PCDH15: variants seen among roughly 807,000 people sequenced by gnomAD.
PCDH15 encodes the protein protocadherin-15.
A neutral mutation model predicts 178.5 loss-of-function variants in PCDH15; 129 were observed. The ratio of observed to expected loss-of-function variants is 0.72; its 90% CI spans 0.63 to 0.84. The LOEUF is 0.84. PCDH15 is among the 40% of genes least tolerant of loss of function. The pLI is 0.00. For missense variants in PCDH15, 2,230 were observed against 2,099.9 expected, an observed-to-expected ratio of 1.06 and a Z score of -1.21; for synonymous variants, 800 against 732.0, an observed-to-expected ratio of 1.09 and a Z score of -1.50.
At chr10:54,557,699 T>C (rs561950998) in intron 2 of PCDH15, among the ~76,000 whole-genome samples, 1 of 152,154 alleles carries the variant, frequency 6.6e-6, no homozygotes, top group Non-Finnish European at 1.5e-5. Flanking sequence ...GGATGAAACA[T>C]GAGGCATTTT....
intron 2 of PCDH15, among the ~76,000 whole-genome samples, chr10:55,452,801 G>C (rs1839464834): frequency 6.6e-6 from 1 of 151,986 alleles, no homozygotes; most frequent in South Asian, 2.1e-4. Context: ...GACTAACCTA[G>C]CTACTGAAAT....
chr10:53,953,134 G>A (rs1430824446), intron 23 of PCDH15, among the ~76,000 whole-genome samples: 1 of 152,212 alleles, frequency 6.6e-6, no homozygotes, highest in African/African-American at 2.4e-5. Context: ...GTGTTTCCCT[G>A]GTTGCAGCCA....
chr10:55,119,691 C>T (rs548578208), intron 2 of PCDH15, among the ~76,000 whole-genome samples: 3 of 152,212 alleles, frequency 2.0e-5, no homozygotes, highest in Admixed American at 6.5e-5. Flanking sequence ...TGTCAAAGAA[C>T]GATGTATTGC....
At chr10:55,346,984 G>A (rs1034787643) in intron 2 of PCDH15, among the ~76,000 whole-genome samples, 4 of 152,054 alleles carry the variant, frequency 2.6e-5, no homozygotes, top group Non-Finnish European at 2.9e-5. Flanking sequence ...GGGGGCTGAG[G>A]TGGGAGGATC....
At chr10:55,335,460 T>C (rs530802317) in intron 2 of PCDH15, among the ~76,000 whole-genome samples, 4 of 152,228 alleles carry the variant, frequency 2.6e-5, no homozygotes, top group Non-Finnish European at 5.9e-5. Context: ...GAAAATCATG[T>C]GATATTTAAA....
At chr10:54,667,337 C>T (rs1321551053) in intron 1 of PCDH15, among the ~76,000 whole-genome samples, 1 of 151,856 alleles carries the variant, frequency 6.6e-6, no homozygotes, top group Non-Finnish European at 1.5e-5. Flanking sequence ...AGTGAGAAAA[C>T]CCAGTTTCTA....
intron 15 of PCDH15, among the ~76,000 whole-genome samples, chr10:54,123,575 A>T (rs988655546): frequency 6.6e-6 from 1 of 152,164 alleles, no homozygotes; most frequent in Admixed American, 6.6e-5. Context: ...TCTTGGTGGG[A>T]ATGTAGATTA....
chr10:53,878,313 TTC>T (rs1564665668), intron 26 of PCDH15, among the ~76,000 whole-genome samples: 1 of 140,964 alleles, frequency 7.1e-6, no homozygotes, highest in Non-Finnish European at 1.5e-5. Flanking sequence ...ACTATATATA[TTC>T]TATATATATA....
At chr10:54,026,403 A>C (rs374771397) in intron 18 of PCDH15, among the ~76,000 whole-genome samples, 5 of 152,226 alleles carry the variant, frequency 3.3e-5, no homozygotes, top group African/African-American at 1.2e-4. Context: ...ATCCAAGCAG[A>C]TATTCATTAA....
intron 32 of PCDH15, among the ~76,000 whole-genome samples, chr10:53,826,637 AG>A (rs1181028736): frequency 6.6e-6 from 1 of 152,120 alleles, no homozygotes; most frequent in Non-Finnish European, 1.5e-5. Flanking sequence ...CATCACCATA[AG>A]GAATCCAATT....
rs189040154 is a variant in PCDH15, at chr10:55,410,542, T to C, written c.-156+217083A>G. ...TTTTAGAAAAGCAAAACCTGGAGTC[T>C]TACCCCCGTCAGTCAAAAATAATAT... is the stretch of plus-strand genomic sequence containing the variant. On this transcript the variant is annotated intron_variant, in intron 2 of 5. Transcript: ENST00000613346. Among the ~76,000 whole-genome samples, 637 of 152,234 alleles carry C rather than the reference T, an allele frequency of 4.2e-3. 3 individuals carry two copies. The highest frequency in any genetic ancestry group is 6.9e-3 in the Non-Finnish European group (466 of 68,016).
chr10:55,376,388 A>G (rs1342409331), intron 2 of PCDH15, among the ~76,000 whole-genome samples: 1 of 152,088 alleles, frequency 6.6e-6, no homozygotes, highest in African/African-American at 2.4e-5. Flanking sequence ...AGGTTTCATC[A>G]CAGGAGCCAT....
intron 3 of PCDH15, among the ~76,000 whole-genome samples, chr10:54,474,669 A>G (rs1345048387): frequency 1.3e-5 from 2 of 151,976 alleles, no homozygotes; most frequent in Non-Finnish European, 2.9e-5. Flanking sequence ...GGAATTTTTT[A>G]TATGCCTTTG....
intron 5 of PCDH15, among the ~76,000 whole-genome samples, chr10:54,349,945 T>C (rs1169826173): frequency 2.0e-5 from 3 of 152,170 alleles, no homozygotes; most frequent in Non-Finnish European, 4.4e-5. Flanking sequence ...ATACTTTTAT[T>C]ATTTCTGAAA....
In PCDH15 at chr10:55,080,775, G is replaced by A. The variant is rs571004778; in HGVS notation, c.-80+85801C>T. Among the ~76,000 whole-genome samples, 518 of 152,218 alleles carry A rather than the reference G, an allele frequency of 3.4e-3. 1 individual carries two copies. The highest frequency in any genetic ancestry group is 6.3e-3 in the Non-Finnish European group (428 of 67,992). On this transcript the variant is annotated intron_variant, in intron 2 of 5. Transcript: ENST00000458638. ...ATTATGGCTACAGTGGTATGCAGAAGCAAGGAAGGGACCCTGCTCACTTTC... is the reference window on the plus strand; with the variant it reads ...ATTATGGCTACAGTGGTATGCAGAAACAAGGAAGGGACCCTGCTCACTTTC...
chr10:54,346,815 T>C (rs1159781921), intron 5 of PCDH15, among the ~76,000 whole-genome samples: 3 of 152,216 alleles, frequency 2.0e-5, no homozygotes, highest in African/African-American at 7.2e-5. Flanking sequence ...AAACCCTTGA[T>C]GCAATGTTAC....
intron 1 of PCDH15, among the ~76,000 whole-genome samples, chr10:54,754,242 C>T (rs1946759581): frequency 6.6e-6 from 1 of 152,060 alleles, no homozygotes; most frequent in Non-Finnish European, 1.5e-5. Flanking sequence ...ACATTGCTAA[C>T]ACTATAAAAC....
At chr10:54,571,477 T>A (rs1428872643) in intron 2 of PCDH15, among the ~76,000 whole-genome samples, 1 of 152,016 alleles carries the variant, frequency 6.6e-6, no homozygotes, top group Non-Finnish European at 1.5e-5. Context: ...AAAATTAATA[T>A]ATTACCTTCA....
intron 21 of PCDH15, 87 bp from the exon 22 acceptor site, chr10:53,961,979 TG>T: frequency 9.0e-7 from 1 of 1,116,030 alleles, no homozygotes; most frequent in Non-Finnish European, 1.3e-6. Flanking sequence ...TTAAAATTCA[TG>T]GTCTTTTAGA....
Sources: allele counts gnomAD v4.1 joint callset (sites outside exome capture counted in the v4.1 genomes callset), GRCh38; gene constraint gnomAD v4.1.1; transcripts MANE v1.5; gene names NCBI Gene and HGNC (gene_info 2026-07-23, HGNC 2026-07-21).